The following FRMD5 variants were observed in gnomAD, a reference collection of about 807,000 sequenced individuals.
FRMD5 encodes the protein FERM domain containing 5.
In FRMD5, 20 loss-of-function variants were observed where a neutral mutation model predicts 69.0. The observed-to-expected ratio is 0.29, with a 90% CI of 0.20 to 0.42. FRMD5 has a LOEUF of 0.42. Among genes scored for constraint, FRMD5 ranks in the 10% least tolerant of loss-of-function variants. The pLI is 1.00. For synonymous variants in FRMD5, 271 were observed against 260.1 expected, an observed-to-expected ratio of 1.04 and a Z score of -0.40; for missense variants, 595 against 708.6, an observed-to-expected ratio of 0.84 and a Z score of 1.82.
At chr15:44,191,332 T>C (rs1323341060) in intron 1 of FRMD5, among the ~76,000 whole-genome samples, 2 of 152,174 alleles carry the variant, frequency 1.3e-5, no homozygotes, top group African/African-American at 2.4e-5. Context: ...CTCATGCCTG[T>C]AATCCCAGCA....
Position 43,923,510 on chromosome 15 carries a change from T to C in FRMD5, c.207+695A>G, listed in dbSNP as rs187385335. ...GGAGCGGTAAGGAAAAGGAGAAGATTCTAGGCAGGGGAACTCTATAGGTGA... is the reference window on the plus strand; with the variant it reads ...GGAGCGGTAAGGAAAAGGAGAAGATCCTAGGCAGGGGAACTCTATAGGTGA... On this transcript the variant is annotated intron_variant, in intron 2 of 13. Transcript: ENST00000417257. Among the ~76,000 whole-genome samples the C allele has an allele frequency of 4.1e-4, 62 of 152,148 alleles. No individual in the cohort carries two copies. The East Asian group carries it at 0.011, about 28-fold the overall frequency.
chr15:43,948,852 A>G (rs1470901970), intron 1 of FRMD5, among the ~76,000 whole-genome samples: 2 of 152,256 alleles, frequency 1.3e-5, no homozygotes, highest in African/African-American at 4.8e-5. Flanking sequence ...GATGAGTCAC[A>G]TGCAAATCTT....
chr15:44,159,237 T>C (rs1246112702), intron 1 of FRMD5, among the ~76,000 whole-genome samples: 2 of 152,184 alleles, frequency 1.3e-5, no homozygotes, highest in African/African-American at 4.8e-5. Flanking sequence ...ATAAATTTTA[T>C]GTGTATTTTA....
At chr15:44,068,895 G>GGGAAGGCA (rs1893418550) in intron 1 of FRMD5, among the ~76,000 whole-genome samples, 3 of 152,132 alleles carry the variant, frequency 2.0e-5, no homozygotes, top group Admixed American at 6.5e-5. Flanking sequence ...ATAAGGTATT[G>GGGAAGGCA]GGAAGGCAGG....
intron 1 of FRMD5, among the ~76,000 whole-genome samples, chr15:44,079,864 T>G (rs923101533): frequency 6.6e-6 from 1 of 152,104 alleles, no homozygotes; most frequent in Non-Finnish European, 1.5e-5. Flanking sequence ...AACACTATTC[T>G]TGGTGGAATA....
chr15:44,078,939 C>T (rs1037205440), intron 1 of FRMD5, among the ~76,000 whole-genome samples: 6 of 152,004 alleles, frequency 3.9e-5, no homozygotes, highest in Admixed American at 2.6e-4. Context: ...ACAAAGGGCA[C>T]TATCAAAGTC....
chr15:44,135,779 C>T (rs1005604302), intron 1 of FRMD5, among the ~76,000 whole-genome samples: 2 of 145,308 alleles, frequency 1.4e-5, no homozygotes, highest in Non-Finnish European at 1.5e-5. Context: ...GAGCCGAGAT[C>T]GCACTACTGA....
At chr15:43,959,014 GA>G (rs1194015493) in intron 1 of FRMD5, among the ~76,000 whole-genome samples, 2 of 152,160 alleles carry the variant, frequency 1.3e-5, no homozygotes, top group East Asian at 1.9e-4. Context: ...GAAGGGAGCT[GA>G]AAAAAAGCCT....
At chr15:44,197,633 G>A (rs888915274), upstream of FRMD5, among the ~76,000 whole-genome samples, 12 of 132,488 alleles carry the variant, frequency 9.1e-5, no homozygotes, top group Non-Finnish European at 1.7e-4. Flanking sequence ...AGTGAGCTGA[G>A]ATTGGCCACT....
At chr15:43,876,908 A>T (rs2088376299) in intron 13 of FRMD5, among the ~76,000 whole-genome samples, 1 of 152,144 alleles carries the variant, frequency 6.6e-6, no homozygotes, top group Non-Finnish European at 1.5e-5. Context: ...TGGTAGGAGG[A>T]AGGGGTATTC....
intron 1 of FRMD5, among the ~76,000 whole-genome samples, chr15:43,969,479 C>G (rs2090343561): frequency 6.6e-6 from 1 of 152,174 alleles, no homozygotes; most frequent in Admixed American, 6.5e-5. Context: ...CAACACCTAC[C>G]ATGCCCAGTT....
At chr15:43,940,176 CT>C (rs1323674282) in intron 1 of FRMD5, among the ~76,000 whole-genome samples, 1 of 152,154 alleles carries the variant, frequency 6.6e-6, no homozygotes, top group Non-Finnish European at 1.5e-5. Context: ...AAAACTCTGT[CT>C]CAAAACAAAC....
chr15:44,060,070 G>T (rs571942156), intron 1 of FRMD5, among the ~76,000 whole-genome samples: 1 of 152,332 alleles, frequency 6.6e-6, no homozygotes, highest in African/African-American at 2.4e-5. Context: ...TAAGTGGAGA[G>T]AGCTGTCAGA....
chr15:44,106,048 T>C (rs546747753), intron 1 of FRMD5, among the ~76,000 whole-genome samples: 2 of 152,320 alleles, frequency 1.3e-5, no homozygotes, highest in South Asian at 4.1e-4. Flanking sequence ...ACTGTATTGG[T>C]TTTTTATTAT....
chr15:44,044,423 A>G (rs548246540), intron 1 of FRMD5, among the ~76,000 whole-genome samples: 4 of 152,332 alleles, frequency 2.6e-5, no homozygotes, highest in African/African-American at 9.6e-5. Context: ...ATTACTGGGT[A>G]TATACTCAAA....
At chr15:43,881,830 T>G (rs956485196) in intron 13 of FRMD5, among the ~76,000 whole-genome samples, 2 of 152,182 alleles carry the variant, frequency 1.3e-5, no homozygotes, top group African/African-American at 4.8e-5. Context: ...TAACATGGAA[T>G]CTCACACTCA....
intron 1 of FRMD5, among the ~76,000 whole-genome samples, chr15:44,084,604 T>C (rs1454055285): frequency 6.6e-6 from 1 of 152,140 alleles, no homozygotes; most frequent in African/African-American, 2.4e-5. Context: ...TTTTGTATAT[T>C]ATCCACATGA....
rs533354563 is a variant in FRMD5 at position 43,873,109 on chromosome 15, A to T, written c.*776T>A. 7 of 1,422,044 alleles carry T rather than the reference A, an allele frequency of 4.9e-6. No individual in the cohort carries two copies. In the East Asian group the frequency reaches 1.7e-4, roughly 35 times the overall value. 88.1% of individuals were successfully genotyped at this position (1,422,044 alleles called of 1,614,324 possible). On this transcript the variant is annotated 3_prime_UTR_variant, in exon 14 of 14. Coordinates refer to ENST00000417257, the MANE Select transcript of FRMD5 (RefSeq NM_032892.5). ...GGAAAAAAAAAATCACGTTAAGTCT[A>T]GTTTCATTATACAAAACTATGGTGA...
At chr15:44,139,603 C>T (rs998681611) in intron 1 of FRMD5, among the ~76,000 whole-genome samples, 1 of 150,852 alleles carries the variant, frequency 6.6e-6, no homozygotes, top group African/African-American at 2.4e-5. Context: ...TAAAAAAAGA[C>T]ATTACAGGCC....
Sources: allele counts gnomAD v4.1 joint callset (sites outside exome capture counted in the v4.1 genomes callset), GRCh38; gene constraint gnomAD v4.1.1; transcripts MANE v1.5; gene names NCBI Gene and HGNC (gene_info 2026-07-23, HGNC 2026-07-21).